Variants in ACTR3C observed in about 807,000 individuals in gnomAD.
ACTR3C encodes the protein actin related protein 3C.
In ACTR3C, 18 loss-of-function variants were observed where a neutral mutation model predicts 26.3. The observed-to-expected ratio is 0.68, with a 90% CI of 0.47 to 1.01. The LOEUF is 1.01. ACTR3C is among the 50% of genes least tolerant of loss of function. The pLI, the probability that ACTR3C is intolerant of heterozygous loss-of-function variation, is 0.00. For synonymous variants in ACTR3C, 55 were observed against 94.5 expected (o/e 0.58, Z 2.42); for missense variants, 184 against 250.7 (o/e 0.73, Z 1.80).
chr7:150,149,292 GA>G, the ACTR3C span, among the ~76,000 whole-genome samples: 1 of 151,658 alleles, frequency 6.6e-6, no homozygotes, highest in African/African-American at 2.4e-5. Flanking sequence ...CCCCATATGT[GA>G]CTCACCTTCT....
At chr7:150,154,814 G>A in the ACTR3C span, among the ~76,000 whole-genome samples, 1 of 152,122 alleles carries the variant, frequency 6.6e-6, no homozygotes, top group Non-Finnish European at 1.5e-5. Context: ...TCAGATACCA[G>A]ACACAATACC....
the ACTR3C span, among the ~76,000 whole-genome samples, chr7:150,130,002 T>C: frequency 6.6e-6 from 1 of 152,174 alleles, no homozygotes; most frequent in African/African-American, 2.4e-5. Context: ...TGGAACAGAA[T>C]AGAGTCCAGA....
the ACTR3C span, among the ~76,000 whole-genome samples, chr7:150,043,858 G>A: frequency 1.1e-4 from 17 of 152,158 alleles, no homozygotes; most frequent in African/African-American, 3.6e-4. Context: ...TTAAGAAATC[G>A]TAAAGTTGAT....
the ACTR3C span, among the ~76,000 whole-genome samples, chr7:150,122,330 G>C: frequency 6.6e-6 from 1 of 152,078 alleles, no homozygotes; most frequent in African/African-American, 2.4e-5. Flanking sequence ...GAAAATTTTT[G>C]TAATCTATCC....
the ACTR3C span, among the ~76,000 whole-genome samples, chr7:150,033,918 G>T: frequency 1.3e-5 from 2 of 151,596 alleles, no homozygotes; most frequent in Non-Finnish European, 1.5e-5. Flanking sequence ...GCGTCGCGAG[G>T]GGTGCCTCCC....
the ACTR3C span, among the ~76,000 whole-genome samples, chr7:149,930,975 T>C: frequency 7.9e-5 from 12 of 152,182 alleles, no homozygotes; most frequent in Non-Finnish European, 1.8e-4. Flanking sequence ...AAACAATTCT[T>C]CTGCCTCAGC....
chr7:150,179,685 C>T, the ACTR3C span, among the ~76,000 whole-genome samples: 3 of 151,438 alleles, frequency 2.0e-5, no homozygotes, highest in Non-Finnish European at 2.9e-5. Flanking sequence ...AGGCAGGGGT[C>T]TCGCTATGTT....
chr7:150,126,725 C>A, the ACTR3C span, among the ~76,000 whole-genome samples: 1 of 152,192 alleles, frequency 6.6e-6, no homozygotes. Context: ...TTTTTTAAGA[C>A]GGTCAGGCTC....
At chr7:150,268,208 A>C (rs1390784935) in intron 6 of ACTR3C, among the ~76,000 whole-genome samples, 1 of 149,380 alleles carries the variant, frequency 6.7e-6, no homozygotes, top group Non-Finnish European at 1.5e-5. Context: ...GATTGAGCCA[A>C]GTCACCCAAT....
the ACTR3C span, chr7:150,001,584 G>GTT: frequency 6.6e-6 from 1 of 152,158 alleles, no homozygotes; most frequent in African/African-American, 2.4e-5. Flanking sequence ...TGTGATTTAA[G>GTT]CCAGGCCTCA....
chr7:150,020,416 G>A, the ACTR3C span, among the ~76,000 whole-genome samples: 1 of 152,054 alleles, frequency 6.6e-6, no homozygotes, highest in Non-Finnish European at 1.5e-5. Context: ...TTCGGTTTCT[G>A]TTTCAAAGAG....
At chr7:150,034,781 G>A in the ACTR3C span, among the ~76,000 whole-genome samples, 1 of 151,256 alleles carries the variant, frequency 6.6e-6, no homozygotes, top group Non-Finnish European at 1.5e-5. Context: ...AGCCAGGGGG[G>A]GAAGAGGGTC....
the ACTR3C span, among the ~76,000 whole-genome samples, chr7:150,169,154 G>C: frequency 6.7e-6 from 1 of 150,100 alleles, no homozygotes; most frequent in Non-Finnish European, 1.5e-5. Context: ...GGCCGAGGTG[G>C]GCACATCAGG....
intron 1 of ACTR3C, among the ~76,000 whole-genome samples, chr7:150,319,698 C>T (rs1361308854): frequency 6.6e-6 from 1 of 152,222 alleles, no homozygotes; most frequent in African/African-American, 2.4e-5. Context: ...CCAGTCTTGA[C>T]AATTACTCTG....
chr7:150,127,766 A>G, the ACTR3C span, among the ~76,000 whole-genome samples: 1 of 151,866 alleles, frequency 6.6e-6, no homozygotes. Flanking sequence ...TCCTCTATGA[A>G]CTAATTCAAA....
chr7:150,081,285 AAG>A, the ACTR3C span, among the ~76,000 whole-genome samples: 85 of 147,790 alleles, frequency 5.8e-4, 1 homozygote, highest in African/African-American at 1.9e-4. Flanking sequence ...AAGAGGGAGA[AAG>A]AGAAGAAATA....
At chr7:149,893,249 T>C in the ACTR3C span, among the ~76,000 whole-genome samples, 92,290 of 151,462 alleles carry the variant, frequency 0.61, 30,120 homozygotes, top group South Asian at 0.79. Flanking sequence ...TGCAGTTCTG[T>C]ACACGTGTTT....
At chr7:149,895,364 A>ACTTTTTTTTTTTTTTTTTTT in the ACTR3C span, among the ~76,000 whole-genome samples, 9 of 151,888 alleles carry the variant, frequency 5.9e-5, no homozygotes, top group African/African-American at 1.9e-4. Context: ...GATATATTGC[A>ACTTTTTTTTTTTTTTTTTTT]TTCTTAAAAA....
chr7:150,099,429 C>A, the ACTR3C span, among the ~76,000 whole-genome samples: 2 of 151,578 alleles, frequency 1.3e-5, no homozygotes, highest in East Asian at 3.9e-4. Context: ...AGGAAAACAT[C>A]CTCTGAGAAA....
Sources: allele counts gnomAD v4.1 joint callset (sites outside exome capture counted in the v4.1 genomes callset), GRCh38; gene constraint gnomAD v4.1.1; transcripts MANE v1.5; gene names NCBI Gene and HGNC (gene_info 2026-07-23, HGNC 2026-07-21).